The following KIF9 variants were observed in gnomAD, a reference collection of about 807,000 sequenced individuals.
KIF9 encodes kinesin family member 9, also known as kinesin-like protein KIF9.
Under a neutral mutation model 94.8 loss-of-function variants are expected in KIF9, and 68 were observed. The observed-to-expected ratio is 0.72, with a 90% CI of 0.59 to 0.88. The LOEUF (loss-of-function observed/expected upper bound fraction) is 0.88, where lower values mean the gene tolerates loss of function less well. KIF9 is among the 40% of genes least tolerant of loss of function. The pLI is 0.00. For missense variants in KIF9, 882 were observed against 982.5 expected (o/e 0.90, Z 1.37); for synonymous variants, 343 against 362.1 (o/e 0.95, Z 0.60).
intron 5 of KIF9, among the ~76,000 whole-genome samples, chr3:47,268,326 A>G (rs1701421004): frequency 6.6e-6 from 1 of 152,118 alleles, no homozygotes; most frequent in African/African-American, 2.4e-5. Context: ...TCCTTGAGGG[A>G]TAGACTGATG....
At chr3:47,230,188 T>C (rs1698453308) in intron 20 of KIF9, among the ~76,000 whole-genome samples, 1 of 150,482 alleles carries the variant, frequency 6.6e-6, no homozygotes, top group African/African-American at 2.4e-5. Context: ...TGAGGTGAGA[T>C]GATTGCTTGA....
At chr3:47,275,173 C>T in intron 3 of KIF9, 152 bp downstream of exon 3, 1 of 636,104 alleles carries the variant, frequency 1.6e-6, no homozygotes, top group Non-Finnish European at 2.6e-6. Flanking sequence ...ACAATGTCAA[C>T]AAGCAAACAG....
intron 9 of KIF9, chr3:47,263,813 A>G: frequency 6.6e-6 from 3 of 456,046 alleles, no homozygotes; most frequent in Non-Finnish European, 1.3e-5. Context: ...ACTAATTTCT[A>G]CCAGGTTACT....
intron 15 of KIF9, chr3:47,244,372 C>A: frequency 6.2e-6 from 1 of 162,114 alleles, no homozygotes; most frequent in Non-Finnish European, 1.4e-5. Context: ...TTTAGGTGAC[C>A]TGAGTGCCAG....
chr3:47,266,082 G>A lies in KIF9; in HGVS notation c.769-205C>T, dbSNP rs1033207725. ...AATACCAAAACTCAGAAATATTCAT[G>A]TGAACACTCATGTGAATACTCATGC... On this transcript the variant is annotated intron_variant, in intron 7 of 20. Coordinates refer to ENST00000684063, the MANE Select transcript of KIF9 (RefSeq NM_182902.4). 6 of 533,318 alleles carry A rather than the reference G, an allele frequency of 1.1e-5. No homozygotes were observed. In the East Asian group the frequency reaches 1.8e-4, roughly 16 times the overall value. 33.0% of individuals were successfully genotyped at this position (533,318 alleles called of 1,614,324 possible).
intron 20 of KIF9, among the ~76,000 whole-genome samples, chr3:47,234,409 AT>A (rs1398509287): frequency 1.3e-5 from 2 of 151,208 alleles, no homozygotes; most frequent in African/African-American, 4.9e-5. Context: ...AAGTTTTTGT[AT>A]TTTAGTAGAG....
chr3:47,261,387 T>C (rs1171890024), intron 9 of KIF9, among the ~76,000 whole-genome samples: 1 of 152,174 alleles, frequency 6.6e-6, no homozygotes, highest in Non-Finnish European at 1.5e-5. Flanking sequence ...GCTGGAGGCC[T>C]ATGAGGCAGC....
rs569357222 is a variant in KIF9, at chr3:47,263,593, C to A, written c.981+693G>T. Reference sequence around the variant, plus strand: ...ATCTTCAGTCCCACTATTACCTCTGCCAGGAATACCTCTGCTTATCCTACC... The same window carrying A: ...ATCTTCAGTCCCACTATTACCTCTGACAGGAATACCTCTGCTTATCCTACC... On this transcript the variant is annotated intron_variant, in intron 9 of 20. Transcript: ENST00000684063. The A allele has an allele frequency of 9.9e-6, 3 of 301,544 alleles. No individual in the cohort carries two copies. The East Asian group carries it at 2.7e-4, about 28-fold the overall frequency. 18.7% of individuals were successfully genotyped at this position (301,544 alleles called of 1,614,324 possible). A position where few individuals can be genotyped will look rare whatever the true frequency, so the allele number is the denominator to read the frequency against.
intron 20 of KIF9, among the ~76,000 whole-genome samples, chr3:47,232,907 G>A (rs1350232670): frequency 1.3e-5 from 2 of 150,130 alleles, no homozygotes; most frequent in South Asian, 2.1e-4. Context: ...GCGTGAACCC[G>A]GGAGGCGGAG....
chr3:47,272,339 T>C (rs1343429479), intron 4 of KIF9, among the ~76,000 whole-genome samples: 1 of 152,198 alleles, frequency 6.6e-6, no homozygotes, highest in African/African-American at 2.4e-5. Flanking sequence ...ATCTAAAATG[T>C]GGCTAGTACA....
At chr3:47,235,658 A>G (rs1366212665) in intron 19 of KIF9, 41 bp from the exon 20 acceptor site, 1 of 1,494,170 alleles carries the variant, frequency 6.7e-7, no homozygotes, top group African/African-American at 1.4e-5. Flanking sequence ...TTGTCAGGAT[A>G]TACCCTAGCA....
At chr3:47,261,181 CCT>C (rs1700948098) in intron 9 of KIF9, among the ~76,000 whole-genome samples, 1 of 152,188 alleles carries the variant, frequency 6.6e-6, no homozygotes, top group South Asian at 2.1e-4. Context: ...TGCTGACTGG[CCT>C]CTGTGTCTTT....
rs185261131 is a variant in KIF9, at chr3:47,229,051, T to G, written c.2323-349A>C. ...TCCAGAGGAGTTAGGGGCCAGGTAT[T>G]CAGAAGGGCCCTCTCTTTGCCACTG... On this transcript the variant is annotated intron_variant, in intron 20 of 20. Transcript: ENST00000684063. 7.9e-5 allele frequency among the ~76,000 whole-genome samples: 12 copies of G among 152,308 alleles called. No homozygotes were observed. In the East Asian group the frequency reaches 2.3e-3, roughly 29 times the overall value.
At chr3:47,273,425 C>T (rs1378478575) in intron 4 of KIF9, 127 bp downstream of exon 4, 5 of 659,748 alleles carry the variant, frequency 7.6e-6, no homozygotes, top group Non-Finnish European at 1.3e-5. Context: ...GTCTCCAGTA[C>T]CAGTATCCAC....
At chr3:47,241,625 G>A (rs1559427788) in intron 16 of KIF9, among the ~76,000 whole-genome samples, 1 of 147,624 alleles carries the variant, frequency 6.8e-6, no homozygotes, top group Non-Finnish European at 1.5e-5. Context: ...CCTGGCCCTG[G>A]ATTTCATATA....
At chr3:47,263,190 C>T (rs1701091461) in intron 9 of KIF9, among the ~76,000 whole-genome samples, 1 of 152,244 alleles carries the variant, frequency 6.6e-6, no homozygotes, top group Non-Finnish European at 1.5e-5. Context: ...AACCACCACG[C>T]CCGGCCCCTA....
Position 47,277,329 on chromosome 3 carries a change from T to C in KIF9, c.46A>G (p.Thr16Ala). 1 of 1,614,088 alleles carries C rather than the reference T, an allele frequency of 6.2e-7. No homozygotes were observed. Among genetic ancestry groups the C allele is most frequent in the Non-Finnish European group, 8.5e-7 (1 of 1,179,996 alleles). Reference sequence around the variant, plus strand: ...ATCATTTCATGAGCAAAGTCATCGGTGGGTTTGACACGGACAAATGCATGA... The same window carrying C: ...ATCATTTCATGAGCAAAGTCATCGGCGGGTTTGACACGGACAAATGCATGA... ...KVHAFVRVKPTDDFAHEMIRY... is the reference protein window; with the variant it reads ...KVHAFVRVKPADDFAHEMIRY... Residue 16 changes from threonine to alanine, a missense_variant, in exon 2 of 21, where the codon ACC becomes GCC. Physicochemically the swap from Thr to Ala is moderately conservative, Grantham distance 58 (BLOSUM62 0). Transcript: ENST00000684063.
chr3:47,282,308 G>GT (rs1702433549), intron 1 of KIF9, 187 bp downstream of exon 1: 1 of 985,658 alleles, frequency 1.0e-6, no homozygotes, highest in Admixed American at 6.1e-5. Context: ...TCCGAAGACC[G>GT]TAAGCCGCGG....
chr3:47,248,100 T>C lies in KIF9; in HGVS notation c.1060-14A>G, dbSNP rs375484078. On this transcript the variant is annotated splice_polypyrimidine_tract_variant and intron_variant, in intron 10 of 20. Transcript: ENST00000684063. ...CTTGACCATTCTCTGCCGGGAAACA[T>C]GGTAGGGTGGGGGCCGACAGGAAGG... 4 of 1,607,802 alleles carry C rather than the reference T, an allele frequency of 2.5e-6. No individual in the cohort carries two copies. The Admixed American group carries it at 5.0e-5, about 20-fold the overall frequency.
Sources: allele counts gnomAD v4.1 joint callset (sites outside exome capture counted in the v4.1 genomes callset), GRCh38; gene constraint gnomAD v4.1.1; transcripts MANE v1.5; gene names NCBI Gene and HGNC (gene_info 2026-07-23, HGNC 2026-07-21).